The following COG5 variants were observed in gnomAD, a reference collection of about 807,000 sequenced individuals.
The protein encoded by COG5 is conserved oligomeric Golgi complex subunit 5.
COG5 carries 86 observed loss-of-function variants against 110.4 expected under a neutral mutation model. That is an observed-to-expected ratio of 0.78 (90% CI 0.65 to 0.93). The LOEUF (loss-of-function observed/expected upper bound fraction) is 0.93. Among genes scored for constraint, COG5 ranks in the 40% least tolerant of loss-of-function variants. The pLI, the probability that COG5 is intolerant of heterozygous loss-of-function variation, is 0.00. For missense variants in COG5, 1,077 were observed against 987.0 expected, an observed-to-expected ratio of 1.09 and a Z score of -1.22; for synonymous variants, 360 against 334.6, an observed-to-expected ratio of 1.08 and a Z score of -0.83.
rs370928657 is a variant in COG5, at chr7:107,316,778, A to G, written c.1108+7662T>C. On this transcript the variant is annotated intron_variant, in intron 11 of 21. Transcript: ENST00000297135. ...ACCCAGGAGGCGGAGCTTGCAGTCA[A>G]TGGAGATGCACCACTGCACTCCAGC... 5.1e-4 allele frequency among the ~76,000 whole-genome samples: 56 copies of G among 108,752 alleles called. 1 individual carries two copies. Among genetic ancestry groups the G allele is most frequent in the African/African-American group, 1.7e-3 (44 of 25,828 alleles). 71.3% of individuals were successfully genotyped at this position (108,752 alleles called of 152,430 possible).
intron 10 of COG5, among the ~76,000 whole-genome samples, chr7:107,343,182 A>G (rs1257555637): frequency 6.6e-6 from 1 of 152,178 alleles, no homozygotes; most frequent in Non-Finnish European, 1.5e-5. Flanking sequence ...ACTCATGGAC[A>G]TGAAGATGGC....
At chr7:107,224,536 G>A (rs989263424) in intron 19 of COG5, among the ~76,000 whole-genome samples, 1 of 152,220 alleles carries the variant, frequency 6.6e-6, no homozygotes, top group Non-Finnish European at 1.5e-5. Context: ...GGGACAAGCT[G>A]TCCCTTCAGG....
intron 11 of COG5, among the ~76,000 whole-genome samples, chr7:107,316,187 T>C (rs1303700892): frequency 6.6e-6 from 1 of 152,154 alleles, no homozygotes; most frequent in Non-Finnish European, 1.5e-5. Flanking sequence ...AACTTTCTAG[T>C]TTTGTTTTAT....
At position 107,474,116 on chromosome 7, in the gene COG5, T is replaced by C. The variant is rs772463518; in HGVS notation, c.538+53121A>G. On this transcript the variant is annotated intron_variant, in intron 6 of 21. Coordinates refer to ENST00000297135, the MANE Select transcript of COG5 (RefSeq NM_006348.5). This position sits in a 1 kb window ranked among gnomAD's most constrained non-coding sequence, Gnocchi z 5.7. ...ATGCAGTCTGAATCTAACATTACAG[T>C]GCGAGATGACATTGATGACATCAAC... 1 of 1,609,080 alleles carries C rather than the reference T, an allele frequency of 6.2e-7. No individual in the cohort carries two copies. The highest frequency in any genetic ancestry group is 1.1e-5 in the South Asian group (1 of 90,530).
intron 6 of COG5, among the ~76,000 whole-genome samples, chr7:107,456,954 A>G (rs1442375943): frequency 1.3e-5 from 2 of 152,224 alleles, no homozygotes; most frequent in African/African-American, 4.8e-5. Context: ...ACAAGTGTGA[A>G]AGGATCAAGT....
intron 6 of COG5, among the ~76,000 whole-genome samples, chr7:107,465,546 G>A (rs569104010): frequency 3.3e-4 from 50 of 152,266 alleles, no homozygotes; most frequent in African/African-American, 1.2e-3. Context: ...CAGATTCTCT[G>A]CAATACCAAT....
intron 19 of COG5, 46 bp from the exon 20 acceptor site, chr7:107,211,271 A>G: frequency 1.2e-6 from 2 of 1,600,524 alleles, no homozygotes; most frequent in Non-Finnish European, 8.6e-7. Context: ...CAATACTGAA[A>G]TAGGTGATTT....
At chr7:107,434,923 T>C (rs1794271649) in intron 6 of COG5, among the ~76,000 whole-genome samples, 1 of 150,384 alleles carries the variant, frequency 6.6e-6, no homozygotes, top group Admixed American at 6.6e-5. Context: ...TGAGCTGAGA[T>C]CATGCCACTG....
At chr7:107,318,215 A>G (rs1223230079) in intron 11 of COG5, among the ~76,000 whole-genome samples, 6 of 151,982 alleles carry the variant, frequency 3.9e-5, no homozygotes, top group Admixed American at 3.3e-4. Flanking sequence ...TTTAGAAGAG[A>G]CAGGGTTTCA....
chr7:107,205,620 A>C (rs533891553), intron 21 of COG5, among the ~76,000 whole-genome samples: 17 of 152,342 alleles, frequency 1.1e-4, no homozygotes, highest in Non-Finnish European at 2.2e-4. Context: ...TTAAAGAGCC[A>C]CATTCTCTTA....
At chr7:107,222,078 C>A (rs1313839226) in intron 19 of COG5, among the ~76,000 whole-genome samples, 1 of 152,128 alleles carries the variant, frequency 6.6e-6, no homozygotes, top group Non-Finnish European at 1.5e-5. Context: ...ACAGTACATG[C>A]GCATAACAGC....
intron 6 of COG5, among the ~76,000 whole-genome samples, chr7:107,476,747 A>G (rs1251038643): frequency 6.6e-6 from 1 of 151,676 alleles, no homozygotes; most frequent in Non-Finnish European, 1.5e-5. Flanking sequence ...CTTTTATTCT[A>G]TTTTCTGAAA....
At chr7:107,342,001 A>T (rs1354206152) in intron 10 of COG5, among the ~76,000 whole-genome samples, 1 of 152,228 alleles carries the variant, frequency 6.6e-6, no homozygotes, top group African/African-American at 2.4e-5. Flanking sequence ...CTTCAAAAGC[A>T]ATTGCAACAA....
chr7:107,386,431 C>T (rs575098426), intron 7 of COG5, among the ~76,000 whole-genome samples: 3 of 152,054 alleles, frequency 2.0e-5, no homozygotes, highest in East Asian at 3.9e-4. Context: ...GACAGACCCC[C>T]GCAGCTGGTG....
intron 6 of COG5, among the ~76,000 whole-genome samples, chr7:107,508,965 C>A (rs1176035448): frequency 6.6e-6 from 1 of 152,146 alleles, no homozygotes; most frequent in Non-Finnish European, 1.5e-5. Flanking sequence ...AGCAGAAACA[C>A]TGGAAACCCT....
chr7:107,425,990 G>A (rs1460663167), intron 6 of COG5, among the ~76,000 whole-genome samples: 1 of 152,128 alleles, frequency 6.6e-6, no homozygotes, highest in African/African-American at 2.4e-5. Flanking sequence ...AGAGACGGGG[G>A]TAAAGTTTCC....
chr7:107,241,966 G>C (rs1266744919), intron 17 of COG5, among the ~76,000 whole-genome samples: 1 of 151,938 alleles, frequency 6.6e-6, no homozygotes, highest in East Asian at 1.9e-4. Flanking sequence ...ATTTTTTGTA[G>C]AGACAGGGTT....
intron 17 of COG5, among the ~76,000 whole-genome samples, chr7:107,248,181 A>G (rs1465526839): frequency 6.6e-6 from 1 of 152,082 alleles, no homozygotes; most frequent in African/African-American, 2.4e-5. Context: ...ATAAAGAAAA[A>G]GTTTTTAAAA....
At chr7:107,402,378 T>C (rs1377750526) in intron 7 of COG5, among the ~76,000 whole-genome samples, 1 of 152,192 alleles carries the variant, frequency 6.6e-6, no homozygotes, top group African/African-American at 2.4e-5. Flanking sequence ...TAAAGACAAG[T>C]AAACACATTA....
Sources: allele counts gnomAD v4.1 joint callset (sites outside exome capture counted in the v4.1 genomes callset), GRCh38; gene constraint gnomAD v4.1.1; non-coding constraint Gnocchi (gnomAD v3.1); transcripts MANE v1.5; gene names NCBI Gene and HGNC (gene_info 2026-07-23, HGNC 2026-07-21).